Variants in USF2 observed in about 807,000 individuals in gnomAD.
USF2 encodes the protein upstream stimulatory factor 2.
Under a neutral mutation model 46.9 loss-of-function variants are expected in USF2, and 16 were observed. The observed-to-expected ratio is 0.34, with a 90% CI of 0.23 to 0.52. USF2 has a LOEUF of 0.52. USF2 is among the 20% of genes least tolerant of loss of function. The probability of loss-of-function intolerance (pLI) is 0.96; values close to 1 mark genes in which losing one functional copy is unlikely to be tolerated. For synonymous variants in USF2, 239 were observed against 194.1 expected, an observed-to-expected ratio of 1.23 and a Z score of -1.92; for missense variants, 411 against 474.0, an observed-to-expected ratio of 0.87 and a Z score of 1.23.
chr19:35,272,898 T>TA (rs1274434473), intron 7 of USF2, among the ~76,000 whole-genome samples: 1 of 151,898 alleles, frequency 6.6e-6, no homozygotes, highest in Non-Finnish European at 1.5e-5. Flanking sequence ...CCCCACGACT[T>TA]ACCTGTGGTG....
At position 35,270,725 on chromosome 19, in the gene USF2, C is replaced by G; in HGVS notation, c.588C>G (p.Phe196Leu). The change falls in exon 6 of 10, where the codon TTC (phenylalanine) becomes TTG (leucine). Residue 196 changes from phenylalanine (F) to leucine (L), a missense_variant. Transcript: ENST00000222305. ...CCCCCACTCTCCCTGCAGGCCAGTTCTACGTCATGATGACGCCCCAGGATG... is the reference window on the plus strand; with the variant it reads ...CCCCCACTCTCCCTGCAGGCCAGTTGTACGTCATGATGACGCCCCAGGATG... ...TDQSLQAGGQ[F>L]YVMMTPQDVL... is the part of the protein sequence containing the mutation. 1 of 1,614,118 alleles carries G rather than the reference C, an allele frequency of 6.2e-7. No homozygotes were observed.
intron 4 of USF2, 136 bp downstream of exon 4, chr19:35,270,139 C>CTGA: frequency 1.8e-6 from 2 of 1,092,606 alleles, no homozygotes; most frequent in Non-Finnish European, 2.4e-6. Flanking sequence ...TGCATGGGGC[C>CTGA]AGATCCCTGT....
intron 9 of USF2, 46 bp downstream of exon 9, chr19:35,279,120 G>A: frequency 6.2e-7 from 1 of 1,612,802 alleles, no homozygotes; most frequent in Non-Finnish European, 8.5e-7. Context: ...AGCCCCAGAT[G>A]CAAGGCGCTG....
At position 35,279,391 on chromosome 19, in the gene USF2, G is replaced by A; in HGVS notation, c.*135G>A. 1 of 992,788 alleles carries A rather than the reference G, an allele frequency of 1.0e-6. No individual in the cohort carries two copies. Among genetic ancestry groups the A allele is most frequent in the African/African-American group, 1.7e-5 (1 of 59,290 alleles). 61.5% of individuals were successfully genotyped at this position (992,788 alleles called of 1,614,324 possible). ...TATAGTAGATTTTTAACAAAAAACG[G>A]GGAGAAATAATGCATTTCTGTGGAT... On this transcript the variant is annotated 3_prime_UTR_variant, in exon 10 of 10. Transcript: ENST00000222305.
At chr19:35,270,657 GC>G in intron 5 of USF2, 60 bp downstream of exon 5, 4 of 1,609,938 alleles carry the variant, frequency 2.5e-6, no homozygotes, top group East Asian at 2.2e-5. Context: ...AGGGAGGGAA[GC>G]CCCCCCAGCC....
In USF2 at chr19:35,270,013, C is replaced by T. The variant is rs1373482983; in HGVS notation, c.429+10C>T. On this transcript the variant is annotated intron_variant, in intron 4 of 9. Coordinates refer to ENST00000222305, the MANE Select transcript of USF2 (RefSeq NM_003367.4). ...AGCGCCCTTCCCGCTGGTAGGTGCCCTGCCACCCCTGGGTGGGGGGGGGAG... is the reference window on the plus strand; with the variant it reads ...AGCGCCCTTCCCGCTGGTAGGTGCCTTGCCACCCCTGGGTGGGGGGGGGAG... The T allele has an allele frequency of 7.4e-7, 1 of 1,343,796 alleles. No individual in the cohort carries two copies. Among genetic ancestry groups the T allele is most frequent in the Non-Finnish European group, 9.5e-7 (1 of 1,054,448 alleles). The allele number at this position is 1,343,796 out of a possible 1,614,324, so 83.2% of individuals were successfully genotyped here. A position where few individuals can be genotyped will look rare whatever the true frequency, so the allele number is the denominator to read the frequency against.
chr19:35,270,682 C>T (rs762281334), intron 5 of USF2, 36 bp from the exon 6 acceptor site: 6 of 1,613,110 alleles, frequency 3.7e-6, no homozygotes, highest in East Asian at 2.2e-5. Flanking sequence ...TCTGACTTCA[C>T]CCTGCCTTGC....
intron 7 of USF2, among the ~76,000 whole-genome samples, chr19:35,272,057 G>A (rs1219991839): frequency 2.6e-5 from 4 of 152,216 alleles, no homozygotes; most frequent in Admixed American, 1.3e-4. Flanking sequence ...GCTGAATGCT[G>A]AGTCCTAAAG....
chr19:35,272,382 A>G (rs1288154017), intron 7 of USF2, among the ~76,000 whole-genome samples: 4 of 152,050 alleles, frequency 2.6e-5, no homozygotes. Context: ...GGTGACATTG[A>G]AGCAGATCCC....
chr19:35,270,124 C>T (rs2066128230), intron 4 of USF2, 121 bp downstream of exon 4: 1 of 1,165,824 alleles, frequency 8.6e-7, no homozygotes, highest in Non-Finnish European at 1.1e-6. Flanking sequence ...CTTCAGGCCT[C>T]AGGCTGCATG....
rs1006858081 is a variant in USF2 at position 35,279,564 on chromosome 19, G to A, written c.*308G>A. The A allele has an allele frequency of 1.0e-4, 36 of 345,416 alleles. 1 individual carries two copies. In the East Asian group the frequency reaches 1.5e-3, roughly 15 times the overall value. The allele number at this position is 345,416 out of a possible 1,614,324, so 21.4% of individuals were successfully genotyped here. The stretch of plus-strand genomic sequence containing the variant: ...AGGGAGGGGACAGAGGCCCTGCCAC[G>A]TCCCGCTGCCTCCTGCTCTCTGGAG... On this transcript the variant is annotated 3_prime_UTR_variant, in exon 10 of 10. Coordinates refer to ENST00000222305, the MANE Select transcript of USF2 (RefSeq NM_003367.4).
rs377417485 is a variant in USF2, at chr19:35,278,672, C to T, written c.728-26C>T. On this transcript the variant is annotated intron_variant, in intron 7 of 9. Transcript: ENST00000222305. ...CTCAGGCATGATCCGTCAGCGAAGC[C>T]GTGGCTGTGACTCTGTTTTCCGCAG... 1.9e-5 allele frequency: 31 copies of T among 1,612,750 alleles called. 1 individual carries two copies. Among genetic ancestry groups the T allele is most frequent in the African/African-American group, 1.3e-4 (10 of 74,994 alleles).
chr19:35,269,042 TCCCTCCCCTC>T lies in USF2; in HGVS notation c.-46_-37del, dbSNP rs1164732685. ...CCGGCCGCCCGCCCCCTCCCCTCCC[TCCCTCCCCTC>T]CCCTCCCCTCCCCCCCGGGCCCCGC... On this transcript the variant is annotated 5_prime_UTR_variant, in exon 1 of 10. Coordinates refer to ENST00000222305, the MANE Select transcript of USF2 (RefSeq NM_003367.4). 2.1e-4 allele frequency: 1 copy of T among 4,810 alleles called. No individual in the cohort carries two copies. Among genetic ancestry groups the T allele is most frequent in the African/African-American group, 8.2e-4 (1 of 1,224 alleles). 0.3% of individuals were successfully genotyped at this position (4,810 alleles called of 1,614,324 possible). A position where few individuals can be genotyped will look rare whatever the true frequency, so the allele number is the denominator to read the frequency against.
intron 8 of USF2, 27 bp downstream of exon 8, chr19:35,278,819 G>T: frequency 6.2e-7 from 1 of 1,613,370 alleles, no homozygotes; most frequent in Non-Finnish European, 8.5e-7. Context: ...CTCAGTGTCT[G>T]CGGTGGTCCC....
intron 7 of USF2, among the ~76,000 whole-genome samples, chr19:35,272,511 C>G (rs1399102717): frequency 6.6e-6 from 1 of 152,106 alleles, no homozygotes; most frequent in Non-Finnish European, 1.5e-5. Flanking sequence ...TGCAGAAGAG[C>G]AGAATTCAGG....
intron 7 of USF2, 36 bp from the exon 8 acceptor site, chr19:35,278,662 T>G (rs1437741878): frequency 6.2e-7 from 1 of 1,609,554 alleles, no homozygotes; most frequent in African/African-American, 1.3e-5. Flanking sequence ...GCATGATCCG[T>G]CAGCGAAGCC....
chr19:35,273,087 T>A (rs1253442808), intron 7 of USF2, among the ~76,000 whole-genome samples: 2 of 151,932 alleles, frequency 1.3e-5, no homozygotes, highest in East Asian at 3.9e-4. Context: ...TTAGTTAATC[T>A]GACTCCAGGC....
intron 7 of USF2, among the ~76,000 whole-genome samples, chr19:35,273,500 A>G (rs1352531000): frequency 1.3e-5 from 2 of 152,154 alleles, no homozygotes; most frequent in Non-Finnish European, 1.5e-5. Context: ...TGTGTTTTCC[A>G]TCAGCTCTTC....
At chr19:35,271,055 G>C in intron 6 of USF2, 28 bp from the exon 7 acceptor site, 1 of 1,613,326 alleles carries the variant, frequency 6.2e-7, no homozygotes, top group Non-Finnish European at 8.5e-7. Context: ...GATAATACAT[G>C]CCCCCTTTTT....
Sources: gnomAD v4.1 joint callset for allele counts (sites outside exome capture counted in the v4.1 genomes callset) on GRCh38, gnomAD v4.1.1 for gene constraint, MANE v1.5 for transcripts, NCBI Gene and HGNC (gene_info 2026-07-23, HGNC 2026-07-21) for gene names.